The following CUX1 variants were observed in gnomAD, a reference collection of about 807,000 sequenced individuals.
CUX1 encodes the protein cut like homeobox 1.
CUX1 carries 31 observed loss-of-function variants against 158.8 expected under a neutral mutation model. The ratio of observed to expected loss-of-function variants is 0.20; its 90% CI spans 0.15 to 0.26. CUX1 has a LOEUF of 0.26. Among genes scored for constraint, CUX1 ranks in the 10% least tolerant of loss-of-function variants. The pLI is 1.00. For missense variants in CUX1, 1,589 were observed against 2,014.6 expected, an observed-to-expected ratio of 0.79 and a Z score of 4.04; for synonymous variants, 879 against 862.1, an observed-to-expected ratio of 1.02 and a Z score of -0.34.
At chr7:102,118,697 C>A (rs1158314241) in intron 8 of CUX1, among the ~76,000 whole-genome samples, 1 of 152,154 alleles carries the variant, frequency 6.6e-6, no homozygotes, top group Non-Finnish European at 1.5e-5. Flanking sequence ...CCCTTTCTGA[C>A]CTGTACAATG....
intron 2 of CUX1, among the ~76,000 whole-genome samples, chr7:102,005,914 C>T (rs1440234093): frequency 6.6e-6 from 1 of 152,190 alleles, no homozygotes; most frequent in African/African-American, 2.4e-5. Flanking sequence ...TTGCTTTTAC[C>T]AAAACCAGAG....
At chr7:102,092,866 T>C (rs1554482696) in intron 4 of CUX1, among the ~76,000 whole-genome samples, 3 of 131,136 alleles carry the variant, frequency 2.3e-5, no homozygotes, top group Admixed American at 9.7e-5. Context: ...TGAGCCAAGA[T>C]AGCGCCACTG....
At chr7:102,070,200 T>C in intron 3 of CUX1, 139 bp from the exon 4 acceptor site, 1 of 672,914 alleles carries the variant, frequency 1.5e-6, no homozygotes, top group South Asian at 1.9e-5. Context: ...TTGCAGGCAT[T>C]TCCTCTAAGA....
chr7:101,822,777 C>T (rs1331859835), intron 1 of CUX1, among the ~76,000 whole-genome samples: 1 of 151,896 alleles, frequency 6.6e-6, no homozygotes, highest in African/African-American at 2.4e-5. Flanking sequence ...GGCGCATATC[C>T]ATAATCCCAG....
chr7:102,124,640 A>T (rs1554494551), intron 8 of CUX1, among the ~76,000 whole-genome samples: 1 of 152,230 alleles, frequency 6.6e-6, no homozygotes. Flanking sequence ...ATAAAAGTTA[A>T]GAAGAATGGT....
At chr7:101,910,221 A>G (rs1028634933) in intron 1 of CUX1, among the ~76,000 whole-genome samples, 1 of 152,080 alleles carries the variant, frequency 6.6e-6, no homozygotes, top group African/African-American at 2.4e-5. Context: ...ATTATGACTC[A>G]CTGCAGCCTT....
chr7:101,876,526 C>G (rs1025753461), intron 1 of CUX1, among the ~76,000 whole-genome samples: 1 of 150,272 alleles, frequency 6.7e-6, no homozygotes, highest in Non-Finnish European at 1.5e-5. Flanking sequence ...GAAACCCTGT[C>G]TCCACTAAAA....
chr7:102,171,233 AC>A (rs1554510329), intron 10 of CUX1, among the ~76,000 whole-genome samples: 1 of 151,812 alleles, frequency 6.6e-6, no homozygotes, highest in African/African-American at 2.4e-5. Flanking sequence ...CCCAGTGCAG[AC>A]CCCAGCTCAG....
rs113591831 is a variant in CUX1, at chr7:102,086,673, G to A, written c.269-10691G>A. 7.3e-5 allele frequency among the ~76,000 whole-genome samples: 11 copies of A among 151,644 alleles called. No individual in the cohort carries two copies. In the East Asian group the frequency reaches 1.9e-3, roughly 27 times the overall value. On this transcript the variant is annotated intron_variant, in intron 4 of 23. Transcript: ENST00000292535. Reference sequence around the variant, plus strand: ...CGCCCAGAGTTGAGTGCAGTGACACGACTTTGGCTCACTGCAACCTCTGCC... The same window carrying A: ...CGCCCAGAGTTGAGTGCAGTGACACAACTTTGGCTCACTGCAACCTCTGCC...
At chr7:102,005,772 G>T (rs1817282161) in intron 2 of CUX1, among the ~76,000 whole-genome samples, 1 of 152,134 alleles carries the variant, frequency 6.6e-6, no homozygotes, top group Non-Finnish European at 1.5e-5. Flanking sequence ...CTCAGCCTCT[G>T]GAAAGACCTG....
chr7:102,131,131 C>A (rs1036546097), intron 8 of CUX1, among the ~76,000 whole-genome samples: 9 of 151,354 alleles, frequency 5.9e-5, no homozygotes, highest in African/African-American at 2.2e-4. Flanking sequence ...AAAAAACTCT[C>A]CAGTTTGTAG....
At chr7:101,821,332 A>G (rs1440962651) in intron 1 of CUX1, among the ~76,000 whole-genome samples, 2 of 149,182 alleles carry the variant, frequency 1.3e-5, no homozygotes, top group African/African-American at 4.9e-5. Flanking sequence ...TGAGGGGGAT[A>G]TTTTCTTTCT....
chr7:102,254,793 TCAGCGTGTACTGAATGC>T lies in CUX1; in HGVS notation c.*5755_*5771del. 2 of 985,502 alleles carry T rather than the reference TCAGCGTGTACTGAATGC, an allele frequency of 2.0e-6. No individual in the cohort carries two copies. The highest frequency in any genetic ancestry group is 2.4e-6 in the Non-Finnish European group (2 of 829,970). The allele number at this position is 985,502 out of a possible 1,614,324, so 61.0% of individuals were successfully genotyped here. The stretch of plus-strand genomic sequence containing the variant: ...GAGGCCAGTGTGATGTGGTTGGATC[TCAGCGTGTACTGAATGC>T]CAGTCTGGCCGGCACACTCGAACGC... On this transcript the variant is annotated 3_prime_UTR_variant, in exon 24 of 24. Transcript: ENST00000292535.
chr7:102,143,565 G>A (rs879979238), intron 8 of CUX1, among the ~76,000 whole-genome samples: 6 of 152,090 alleles, frequency 3.9e-5, no homozygotes, highest in African/African-American at 1.2e-4. Flanking sequence ...GAGTCACTGC[G>A]CCTGGCCCAA....
rs193279685 is a variant in CUX1, at chr7:101,943,170, A to T, written c.141+26945A>T. Among the ~76,000 whole-genome samples, 8 of 146,464 alleles carry T rather than the reference A, an allele frequency of 5.5e-5. No individual in the cohort carries two copies. The East Asian group carries it at 1.6e-3, about 30-fold the overall frequency. On this transcript the variant is annotated intron_variant, in intron 2 of 23. Transcript: ENST00000292535. ...CACCCAGGCTGGAGTGCTGTGGTGC[A>T]ATCTTGGCTCACTGCAACCTCCACC...
At chr7:102,233,389 A>G (rs1171314516) in intron 21 of CUX1, among the ~76,000 whole-genome samples, 1 of 151,782 alleles carries the variant, frequency 6.6e-6, no homozygotes, top group Non-Finnish European at 1.5e-5. Context: ...ACTGAGTCTC[A>G]CTGTGTTGCC....
intron 2 of CUX1, among the ~76,000 whole-genome samples, chr7:101,920,085 A>G (rs967488710): frequency 4.0e-5 from 6 of 151,394 alleles, no homozygotes; most frequent in African/African-American, 1.2e-4. Context: ...GTGGCACCAC[A>G]GTGCCTGGCT....
chr7:102,211,250 A>G (rs1444501373), intron 20 of CUX1, among the ~76,000 whole-genome samples: 4 of 151,894 alleles, frequency 2.6e-5, no homozygotes, highest in African/African-American at 9.7e-5. Context: ...GTTTGAGACC[A>G]GCCTGGCCAA....
chr7:102,239,643 C>G, intron 23 of CUX1, 59 bp downstream of exon 23: 1 of 1,552,348 alleles, frequency 6.4e-7, no homozygotes, highest in Non-Finnish European at 8.7e-7. Context: ...CTGATCTGTC[C>G]GGAGGCCGCC....
Sources: gnomAD v4.1 joint callset for allele counts (sites outside exome capture counted in the v4.1 genomes callset) on GRCh38, gnomAD v4.1.1 for gene constraint, MANE v1.5 for transcripts, NCBI Gene and HGNC (gene_info 2026-07-23, HGNC 2026-07-21) for gene names.